The following UVRAG variants were observed in gnomAD, a reference collection of about 807,000 sequenced individuals.
UVRAG encodes the protein UV radiation resistance-associated gene protein.
In UVRAG, 19 loss-of-function variants were observed where a neutral mutation model predicts 78.0. The ratio of observed to expected loss-of-function variants is 0.24; its 90% CI spans 0.17 to 0.36. UVRAG has a LOEUF of 0.36. Ranked by LOEUF, UVRAG falls within the 10% of genes least tolerant of loss-of-function variation. The pLI is 1.00. For missense variants in UVRAG, 740 were observed against 853.8 expected (o/e 0.87, Z 1.66); for synonymous variants, 323 against 324.6 (o/e 1.00, Z 0.05).
intron 5 of UVRAG, among the ~76,000 whole-genome samples, chr11:75,898,013 G>A (rs1185197336): frequency 6.6e-6 from 1 of 150,812 alleles, no homozygotes; most frequent in Non-Finnish European, 1.5e-5. Flanking sequence ...GGATTACAGG[G>A]GCCTGCCACC....
intron 1 of UVRAG, among the ~76,000 whole-genome samples, chr11:75,820,938 A>G (rs1018445511): frequency 5.3e-5 from 8 of 152,300 alleles, no homozygotes; most frequent in African/African-American, 1.4e-4. Flanking sequence ...GATTAACTAT[A>G]TGTACAACAT....
intron 1 of UVRAG, among the ~76,000 whole-genome samples, chr11:75,840,164 G>A (rs906199098): frequency 1.3e-5 from 2 of 151,660 alleles, no homozygotes; most frequent in African/African-American, 2.4e-5. Context: ...TTGATCTTAT[G>A]TTTCTAAATG....
chr11:76,134,260 C>CT (rs1180218277), intron 14 of UVRAG, among the ~76,000 whole-genome samples: 3,592 of 122,772 alleles, frequency 0.029, 85 homozygotes, highest in African/African-American at 0.037. Context: ...CACACCTGGC[C>CT]TTTTTTTTTT....
At chr11:76,018,053 AATATATGTAGGTTTATAATGC>A (rs1261855995) in intron 12 of UVRAG, among the ~76,000 whole-genome samples, 2 of 152,208 alleles carry the variant, frequency 1.3e-5, no homozygotes, top group Non-Finnish European at 2.9e-5. Context: ...TATACATAAT[AATATATGTAGGTTTATAATGC>A]ATGGTTCTAA....
intron 13 of UVRAG, among the ~76,000 whole-genome samples, chr11:76,092,144 A>G (rs1951711034): frequency 6.6e-6 from 1 of 152,138 alleles, no homozygotes; most frequent in Non-Finnish European, 1.5e-5. Context: ...AGCTTCATCC[A>G]TGTCCCTACA....
chr11:76,068,565 TTA>T, intron 13 of UVRAG, among the ~76,000 whole-genome samples: 1 of 152,160 alleles, frequency 6.6e-6, no homozygotes, highest in East Asian at 1.9e-4. Context: ...ACTGGCTTTT[TTA>T]TATTTCAAAA....
At chr11:75,907,068 A>T (rs1401103417) in intron 5 of UVRAG, among the ~76,000 whole-genome samples, 4 of 152,208 alleles carry the variant, frequency 2.6e-5, no homozygotes, top group African/African-American at 9.6e-5. Flanking sequence ...TGGAATTTTG[A>T]TAGAGATGGC....
chr11:75,890,898 A>T (rs1844467089), intron 5 of UVRAG, among the ~76,000 whole-genome samples: 1 of 151,832 alleles, frequency 6.6e-6, no homozygotes, highest in African/African-American at 2.4e-5. Flanking sequence ...GTAGAATCTC[A>T]AAGTCCAGAG....
At position 76,115,944 on chromosome 11, in the gene UVRAG, A is replaced by T; in HGVS notation, c.1326A>T (p.Leu442=). The change falls in exon 14 of 15, where the codon CTA becomes CTT. Residue 442 remains leucine, a synonymous_variant. Transcript: ENST00000356136. ...CACAGCTAAGATATCAACATGGACTAGGGACTCCAGACTTGCGGCAAACCC... is the reference window on the plus strand; with the variant it reads ...CACAGCTAAGATATCAACATGGACTTGGGACTCCAGACTTGCGGCAAACCC... ...NIAQLRYQHG[L]GTPDLRQTLP... is the part of the protein sequence containing the mutation. 1 of 1,613,908 alleles carries T rather than the reference A, an allele frequency of 6.2e-7. No individual in the cohort carries two copies. The highest frequency in any genetic ancestry group is 1.3e-5 in the African/African-American group (1 of 75,018).
chr11:75,826,539 C>A (rs1287844043), intron 1 of UVRAG, among the ~76,000 whole-genome samples: 1 of 152,172 alleles, frequency 6.6e-6, no homozygotes, highest in East Asian at 1.9e-4. Context: ...GGAGGAGAGG[C>A]TGTATTTTAA....
At chr11:75,846,304 C>G (rs1457144061) in intron 1 of UVRAG, among the ~76,000 whole-genome samples, 1 of 131,928 alleles carries the variant, frequency 7.6e-6, no homozygotes, top group Non-Finnish European at 1.5e-5. Context: ...GCTGTGTTCT[C>G]CATCTGGTGG....
rs1948011428 is a variant in UVRAG at position 75,922,993 on chromosome 11, T to C, written c.593+10954T>C. ...TATATAAGAAAAAAATATATATACA[T>C]ATATTTTTTCATATATATATATATA... On this transcript the variant is annotated intron_variant, in intron 6 of 14. Transcript: ENST00000356136. 2.1e-5 allele frequency among the ~76,000 whole-genome samples: 3 copies of C among 143,378 alleles called. No individual in the cohort carries two copies. In the South Asian group the frequency reaches 6.4e-4, roughly 30 times the overall value. 94.1% of individuals were successfully genotyped at this position (143,378 alleles called of 152,430 possible).
chr11:75,817,489 C>T (rs1272303936), intron 1 of UVRAG, among the ~76,000 whole-genome samples: 4 of 152,062 alleles, frequency 2.6e-5, no homozygotes, highest in Non-Finnish European at 5.9e-5. Context: ...ATATGAGTGC[C>T]GAGTATGCTA....
intron 7 of UVRAG, among the ~76,000 whole-genome samples, chr11:75,982,633 T>A (rs533720532): frequency 6.6e-6 from 1 of 152,188 alleles, no homozygotes; most frequent in East Asian, 1.9e-4. Context: ...AGGCCTCTGC[T>A]TGGCCTTCTT....
intron 1 of UVRAG, among the ~76,000 whole-genome samples, chr11:75,847,976 A>G (rs1946071568): frequency 6.6e-6 from 1 of 151,600 alleles, no homozygotes; most frequent in Non-Finnish European, 1.5e-5. Flanking sequence ...TCTCAAAAAA[A>G]AAAAAAAGAA....
Position 75,851,984 on chromosome 11 carries a change from T to C in UVRAG, c.219T>C (p.Thr73=). ...DTYFTLHLCS[T]EKIYKEFYRS... Reference sequence around the variant, plus strand: ...ACTTTACACTTCACTTGTGTAGTACTGAAAAGATATATAAAGGTAAGGGGA... The same window carrying C: ...ACTTTACACTTCACTTGTGTAGTACCGAAAAGATATATAAAGGTAAGGGGA... Residue 73 remains threonine, a synonymous_variant, in exon 2 of 15, where the codon ACT becomes ACC. Coordinates refer to ENST00000356136, the MANE Select transcript of UVRAG (RefSeq NM_003369.4). 6.2e-7 allele frequency: 1 copy of C among 1,602,468 alleles called. No individual in the cohort carries two copies. Among genetic ancestry groups the C allele is most frequent in the Non-Finnish European group, 8.5e-7 (1 of 1,172,732 alleles).
chr11:75,944,391 AGAGGT>A (rs745474903), intron 6 of UVRAG, among the ~76,000 whole-genome samples: 1 of 152,206 alleles, frequency 6.6e-6, no homozygotes, highest in Non-Finnish European at 1.5e-5. Context: ...AGCAAGATGA[AGAGGT>A]GTAAGCTAAA....
chr11:76,021,718 T>C (rs536117014), intron 12 of UVRAG, among the ~76,000 whole-genome samples: 29 of 152,358 alleles, frequency 1.9e-4, no homozygotes, highest in African/African-American at 7.0e-4. Context: ...AAGTATTTTC[T>C]AATTTCCCTG....
intron 12 of UVRAG, among the ~76,000 whole-genome samples, chr11:76,039,348 T>G (rs1950597735): frequency 6.6e-6 from 1 of 152,152 alleles, no homozygotes; most frequent in Non-Finnish European, 1.5e-5. Context: ...AAAAGATGAT[T>G]ATCACAAACC....
Sources: allele counts gnomAD v4.1 joint callset (sites outside exome capture counted in the v4.1 genomes callset), GRCh38; gene constraint gnomAD v4.1.1; transcripts MANE v1.5; gene names NCBI Gene and HGNC (gene_info 2026-07-23, HGNC 2026-07-21).